CNIH3: variants seen among roughly 807,000 people sequenced by gnomAD.
The protein encoded by CNIH3 is protein cornichon homolog 3.
CNIH3 carries 14 observed loss-of-function variants against 24.1 expected under a neutral mutation model. The observed-to-expected ratio is 0.58, with a 90% CI of 0.38 to 0.91. CNIH3 has a LOEUF of 0.91. CNIH3 is among the 40% of genes least tolerant of loss of function. CNIH3 has a pLI of 0.00. For synonymous variants in CNIH3, 68 were observed against 73.8 expected, an observed-to-expected ratio of 0.92 and a Z score of 0.40; for missense variants, 178 against 196.8, an observed-to-expected ratio of 0.90 and a Z score of 0.57.
intron 1 of CNIH3, among the ~76,000 whole-genome samples, chr1:224,450,475 C>G (rs986826503): frequency 6.6e-6 from 1 of 152,082 alleles, no homozygotes; most frequent in African/African-American, 2.4e-5. Context: ...TCGTGAAGAT[C>G]AGGGTAAAGA....
chr1:224,716,142 CCCCT>C (rs1382258031), intron 3 of CNIH3, among the ~76,000 whole-genome samples: 1 of 152,156 alleles, frequency 6.6e-6, no homozygotes, highest in Non-Finnish European at 1.5e-5. Flanking sequence ...TCACATTCTG[CCCCT>C]AACTACCTGT....
intron 3 of CNIH3, among the ~76,000 whole-genome samples, chr1:224,718,092 A>G (rs1485055075): frequency 6.6e-6 from 1 of 152,206 alleles, no homozygotes; most frequent in African/African-American, 2.4e-5. Flanking sequence ...GCCCTATGGA[A>G]CATTCAAGTG....
In CNIH3 at chr1:224,604,908, G is replaced by A. The variant is rs1369260307; in HGVS notation, n.402+38644G>A. On this transcript the variant is annotated intron_variant and non_coding_transcript_variant, in intron 3 of 7. Transcript: ENST00000478120. The surrounding 1 kb of genome is among the most constrained non-coding windows in gnomAD (Gnocchi z 4.4). ...AAGAGTTTTACTGAGTGATGAAAAT[G>A]GCTTTCAGAGGAGAGGGGACATGGG... Among the ~76,000 whole-genome samples, 1 of 152,190 alleles carries A rather than the reference G, an allele frequency of 6.6e-6. No individual in the cohort carries two copies. Among genetic ancestry groups the A allele is most frequent in the Non-Finnish European group, 1.5e-5 (1 of 68,030 alleles).
At chr1:224,632,713 G>A (rs553771293) in intron 1 of CNIH3, among the ~76,000 whole-genome samples, 4 of 152,058 alleles carry the variant, frequency 2.6e-5, no homozygotes, top group Non-Finnish European at 4.4e-5. Context: ...TGGTCATTAC[G>A]AGATCATGAC....
chr1:224,548,965 C>A (rs1679810761), intron 3 of CNIH3, among the ~76,000 whole-genome samples: 1 of 151,270 alleles, frequency 6.6e-6, no homozygotes, highest in Admixed American at 6.6e-5. Context: ...AAGGGAGATA[C>A]TTTTCATAGC....
intron 3 of CNIH3, among the ~76,000 whole-genome samples, chr1:224,721,721 A>G (rs1004470237): frequency 6.6e-6 from 1 of 152,194 alleles, no homozygotes; most frequent in Non-Finnish European, 1.5e-5. Context: ...TTACAGATCT[A>G]TAAAGTGTCC....
chr1:224,686,877 C>T (rs575118428), intron 3 of CNIH3, among the ~76,000 whole-genome samples: 20 of 152,342 alleles, frequency 1.3e-4, no homozygotes, highest in African/African-American at 4.6e-4. Flanking sequence ...ATTTGCATAT[C>T]GTTTGCATAA....
At chr1:224,453,749 C>T in intron 1 of CNIH3, among the ~76,000 whole-genome samples, 1 of 151,954 alleles carries the variant, frequency 6.6e-6, no homozygotes, top group East Asian at 1.9e-4. Flanking sequence ...TGGGATCAAG[C>T]CATCCTTCTG....
In CNIH3 at chr1:224,480,051, G is replaced by A. The variant is rs529679085; in HGVS notation, n.204-35690G>A. 8.5e-5 allele frequency among the ~76,000 whole-genome samples: 13 copies of A among 152,294 alleles called. No homozygotes were observed. In the South Asian group the frequency reaches 1.9e-3, roughly 22 times the overall value. On this transcript the variant is annotated intron_variant and non_coding_transcript_variant, in intron 1 of 5. Coordinates refer to the CNIH3 transcript ENST00000471578. ...GGCCCTGTCCCTGCTGCAAACTTCT[G>A]TCTGGGTATCCAGGTCTTTCCATAC...
Position 224,604,290 on chromosome 1 carries a change from T to G in CNIH3, n.402+38026T>G, listed in dbSNP as rs1682323886. Among the ~76,000 whole-genome samples the G allele has an allele frequency of 6.6e-6, 1 of 152,260 alleles. No homozygotes were observed. Among genetic ancestry groups the G allele is most frequent in the South Asian group, 2.1e-4 (1 of 4,834 alleles). On this transcript the variant is annotated intron_variant and non_coding_transcript_variant, in intron 3 of 7. Transcript: ENST00000478120. The surrounding 1 kb of genome is among the most constrained non-coding windows in gnomAD (Gnocchi z 4.4). ...AGTATAGGAATCGCTGCAGTTATAT[T>G]AATGAATATTGGCTGAATAAATTTT...
At position 224,547,446 on chromosome 1, in the gene CNIH3, G is replaced by A. The variant is rs61334196; in HGVS notation, n.450+507G>A. Among the ~76,000 whole-genome samples, 1,378 of 151,640 alleles carry A rather than the reference G, an allele frequency of 9.1e-3. 21 individuals are homozygous for A. The highest frequency in any genetic ancestry group is 0.031 in the African/African-American group (1,271 of 41,296). ...TAATATTACAGTGGGTGTACACACT[G>A]TGATCGTATTCATAATATCTAAGGG... On this transcript the variant is annotated intron_variant and non_coding_transcript_variant, in intron 3 of 5. Coordinates refer to the CNIH3 transcript ENST00000471578.
chr1:224,713,932 A>G (rs955325185), intron 3 of CNIH3, among the ~76,000 whole-genome samples: 2 of 152,098 alleles, frequency 1.3e-5, no homozygotes, highest in African/African-American at 4.8e-5. Flanking sequence ...CTCCCACCTC[A>G]GCCTCCCGAG....
intron 5 of CNIH3, among the ~76,000 whole-genome samples, chr1:224,737,858 AG>A (rs1421931835): frequency 6.6e-6 from 1 of 152,208 alleles, no homozygotes; most frequent in Non-Finnish European, 1.5e-5. Context: ...CTTGTGGACC[AG>A]GTGATATTTG....
chr1:224,654,885 C>A (rs557063755), intron 1 of CNIH3, among the ~76,000 whole-genome samples: 1 of 152,350 alleles, frequency 6.6e-6, no homozygotes, highest in South Asian at 2.1e-4. Flanking sequence ...CGTCCCTTTA[C>A]ATGCTGGAAT....
intron 3 of CNIH3, among the ~76,000 whole-genome samples, chr1:224,727,727 T>G (rs1010735): frequency 0.26 from 38,824 of 152,000 alleles, 5,091 homozygotes; most frequent in East Asian, 0.36. Flanking sequence ...AAGCAGCTGG[T>G]GAAGTAGGCA....
At chr1:224,512,449 C>G (rs1164931678), upstream of CNIH3, among the ~76,000 whole-genome samples, 1 of 152,098 alleles carries the variant, frequency 6.6e-6, no homozygotes, top group Non-Finnish European at 1.5e-5. Flanking sequence ...CTCTGCACTT[C>G]AGCTGAGGCA....
At chr1:224,508,020 G>A (rs1309774679) in intron 1 of CNIH3, among the ~76,000 whole-genome samples, 1 of 152,250 alleles carries the variant, frequency 6.6e-6, no homozygotes, top group African/African-American at 2.4e-5. Context: ...AATATCAGGA[G>A]AGGGCCATCT....
intron 1 of CNIH3, among the ~76,000 whole-genome samples, chr1:224,462,834 G>T (rs1186728736): frequency 6.6e-6 from 1 of 150,958 alleles, no homozygotes; most frequent in Non-Finnish European, 1.5e-5. Context: ...GTAGACATGG[G>T]CTGGTCTCAA....
intron 2 of CNIH3, among the ~76,000 whole-genome samples, chr1:224,682,811 T>G (rs12725295): frequency 6.6e-6 from 1 of 152,222 alleles, no homozygotes; most frequent in Non-Finnish European, 1.5e-5. Context: ...CTTCTAATTG[T>G]TTGGGCTCAA....
Sources: allele counts gnomAD v4.1 joint callset (sites outside exome capture counted in the v4.1 genomes callset), GRCh38; gene constraint gnomAD v4.1.1; non-coding constraint Gnocchi (gnomAD v3.1); transcripts MANE v1.5; gene names NCBI Gene and HGNC (gene_info 2026-07-23, HGNC 2026-07-21).